The following TPST1 variants were observed in gnomAD, a reference collection of about 807,000 sequenced individuals.
TPST1 encodes tyrosylprotein sulfotransferase 1, also known as protein-tyrosine sulfotransferase 1.
TPST1 carries 20 observed loss-of-function variants against 34.8 expected under a neutral mutation model. That is an observed-to-expected ratio of 0.57 (90% CI 0.40 to 0.84). The LOEUF (loss-of-function observed/expected upper bound fraction) is 0.84, where lower values mean the gene tolerates loss of function less well. Ranked by LOEUF, TPST1 falls within the 40% of genes least tolerant of loss-of-function variation. The pLI is 0.00. For synonymous variants in TPST1, 152 were observed against 159.4 expected (o/e 0.95, Z 0.35); for missense variants, 353 against 455.5 (o/e 0.78, Z 2.05).
chr7:66,320,245 C>CTT lies in TPST1; in HGVS notation c.1045-32241_1045-32240dup, dbSNP rs569746911. ...TTTCTTTCTTTCTTTTTTTCTTTTT[C>CTT]TTTTTTTTTTTTTTTTTTTTGAGAC... On this transcript the variant is annotated intron_variant, in intron 3 of 5. Coordinates refer to ENST00000304842, the MANE Select transcript of TPST1 (RefSeq NM_003596.4). Among the ~76,000 whole-genome samples, 179 of 126,374 alleles carry CTT rather than the reference C, an allele frequency of 1.4e-3. 1 individual carries two copies. Among genetic ancestry groups the CTT allele is most frequent in the Middle Eastern group, 4.2e-3 (1 of 238 alleles). The allele number at this position is 126,374 out of a possible 152,430, so 82.9% of individuals were successfully genotyped here.
intron 3 of TPST1, among the ~76,000 whole-genome samples, chr7:66,312,333 T>C (rs1207607094): frequency 6.6e-6 from 1 of 152,228 alleles, no homozygotes; most frequent in Non-Finnish European, 1.5e-5. Flanking sequence ...AATGAAATAA[T>C]TTCTCTTTAT....
chr7:66,337,298 A>AT (rs1562850775), intron 3 of TPST1, among the ~76,000 whole-genome samples: 8 of 136,932 alleles, frequency 5.8e-5, no homozygotes, highest in African/African-American at 5.5e-5. Flanking sequence ...CTAAAAGACA[A>AT]ATTTTTTTTT....
chr7:66,219,596 T>C (rs951383221), intron 1 of TPST1, among the ~76,000 whole-genome samples: 1 of 152,238 alleles, frequency 6.6e-6, no homozygotes, highest in Non-Finnish European at 1.5e-5. Flanking sequence ...GAGGTGGTCA[T>C]GATAGGACAA....
At chr7:66,200,968 T>A (rs1789028867), upstream of TPST1, among the ~76,000 whole-genome samples, 1 of 152,052 alleles carries the variant, frequency 6.6e-6, no homozygotes, top group Non-Finnish European at 1.5e-5. Context: ...TCTCAAGTGA[T>A]CTGCCCTCCT....
At chr7:66,208,521 T>C (rs2116201522) in intron 1 of TPST1, among the ~76,000 whole-genome samples, 1 of 152,230 alleles carries the variant, frequency 6.6e-6, no homozygotes, top group South Asian at 2.1e-4. Flanking sequence ...CAGGCTGGAG[T>C]GCAGTGGTAA....
In TPST1 at chr7:66,240,536, A is replaced by G. The variant is rs369275128; in HGVS notation, c.111A>G (p.Glu37=). 6 of 1,614,102 alleles carry G rather than the reference A, an allele frequency of 3.7e-6. No individual in the cohort carries two copies. The highest frequency in any genetic ancestry group is 5.1e-6 in the Non-Finnish European group (6 of 1,180,048). The change falls in exon 2 of 6, where the codon GAA becomes GAG. Residue 37 remains glutamate, a synonymous_variant. Coordinates refer to ENST00000304842, the MANE Select transcript of TPST1 (RefSeq NM_003596.4). ...TGGAATGCCATCACCGGATAGAGGA[A>G]CGTAGCCAGCCAGTCAAATTGGAGA... is the stretch of plus-strand genomic sequence containing the variant. ...HAMECHHRIE[E]RSQPVKLEST...
intron 1 of TPST1, among the ~76,000 whole-genome samples, chr7:66,208,955 A>T (rs970279495): frequency 2.6e-5 from 4 of 151,936 alleles, no homozygotes; most frequent in Non-Finnish European, 5.9e-5. Context: ...GTAAGGGGAG[A>T]TGGGCAGTTT....
intron 3 of TPST1, among the ~76,000 whole-genome samples, chr7:66,302,835 T>A (rs934706247): frequency 1.6e-4 from 25 of 152,230 alleles, no homozygotes; most frequent in Admixed American, 9.2e-4. Flanking sequence ...TGGGATCAGC[T>A]GCATTCAAAC....
intron 3 of TPST1, among the ~76,000 whole-genome samples, chr7:66,299,922 A>G (rs1359787128): frequency 6.6e-6 from 1 of 152,238 alleles, no homozygotes; most frequent in Non-Finnish European, 1.5e-5. Context: ...AAATAAAGTG[A>G]ATATCCCAAT....
chr7:66,213,225 T>A (rs1465151051), intron 1 of TPST1, among the ~76,000 whole-genome samples: 1 of 152,232 alleles, frequency 6.6e-6, no homozygotes. Flanking sequence ...AAGGCACTAT[T>A]TTCTTTTAAT....
chr7:66,200,420 CTT>C (rs35086138), upstream of TPST1, among the ~76,000 whole-genome samples: 19 of 136,528 alleles, frequency 1.4e-4, no homozygotes, highest in East Asian at 2.2e-4. Flanking sequence ...GTGAAGTTAT[CTT>C]TTTTTTTTTT....
chr7:66,268,115 G>A (rs1790628111), intron 2 of TPST1, among the ~76,000 whole-genome samples: 1 of 152,020 alleles, frequency 6.6e-6, no homozygotes, highest in South Asian at 2.1e-4. Context: ...ACCACGCCCA[G>A]CTAATTTTTA....
At chr7:66,348,954 A>C (rs1792412801) in intron 3 of TPST1, among the ~76,000 whole-genome samples, 1 of 151,998 alleles carries the variant, frequency 6.6e-6, no homozygotes, top group Non-Finnish European at 1.5e-5. Flanking sequence ...TCTTCATATA[A>C]GCCTTACCTA....
chr7:66,348,599 T>C (rs1562855489), intron 3 of TPST1, among the ~76,000 whole-genome samples: 1 of 152,230 alleles, frequency 6.6e-6, no homozygotes. Context: ...ACCTAGCTCA[T>C]TGCTGTCAAG....
At chr7:66,235,184 ATT>A (rs767189278) in intron 1 of TPST1, among the ~76,000 whole-genome samples, 15 of 129,792 alleles carry the variant, frequency 1.2e-4, no homozygotes, top group Admixed American at 3.2e-4. Flanking sequence ...TTCTGCATAG[ATT>A]TTTTTTTTTT....
chr7:66,251,421 C>A (rs566826826), intron 2 of TPST1, among the ~76,000 whole-genome samples: 1 of 152,174 alleles, frequency 6.6e-6, no homozygotes, highest in Non-Finnish European at 1.5e-5. Context: ...TGCACTGTTC[C>A]CCTCCCTCTC....
chr7:66,308,973 A>T (rs1791477591), intron 3 of TPST1, among the ~76,000 whole-genome samples: 1 of 152,158 alleles, frequency 6.6e-6, no homozygotes, highest in Non-Finnish European at 1.5e-5. Flanking sequence ...GTCTCAGCTC[A>T]TTGCAACCTC....
intron 3 of TPST1, among the ~76,000 whole-genome samples, chr7:66,333,656 C>G: frequency 6.6e-6 from 1 of 152,202 alleles, no homozygotes; most frequent in Non-Finnish European, 1.5e-5. Context: ...CCTTTTTTCC[C>G]TTGCACAACA....
chr7:66,301,560 C>G (rs925763368), intron 3 of TPST1, among the ~76,000 whole-genome samples: 1 of 152,170 alleles, frequency 6.6e-6, no homozygotes, highest in Non-Finnish European at 1.5e-5. Context: ...GAGAGATATG[C>G]GACTATTCCT....
Sources: allele counts gnomAD v4.1 joint callset (sites outside exome capture counted in the v4.1 genomes callset), GRCh38; gene constraint gnomAD v4.1.1; transcripts MANE v1.5; gene names NCBI Gene and HGNC (gene_info 2026-07-23, HGNC 2026-07-21).